RHOG: variants seen among roughly 807,000 people sequenced by gnomAD.
RHOG encodes ras homolog family member G, also known as rho-related GTP-binding protein RhoG.
A neutral mutation model predicts 12.3 loss-of-function variants in RHOG; 1 was observed. The observed-to-expected ratio is 0.08, with a 90% CI of 0.03 to 0.39. RHOG has a LOEUF of 0.39. RHOG is among the 10% of genes least tolerant of loss of function. RHOG has a pLI of 0.99. For missense variants in RHOG, 114 were observed against 266.2 expected (o/e 0.43, Z 3.98); for synonymous variants, 129 against 116.0 (o/e 1.11, Z -0.72).
At position 3,827,172 on chromosome 11, in the gene RHOG, A is replaced by G; in HGVS notation, c.*391T>C. On this transcript the variant is annotated 3_prime_UTR_variant, in exon 2 of 2. Transcript: ENST00000351018. The surrounding 1 kb of genome is among the most constrained non-coding windows in gnomAD (Gnocchi z 7.3). The stretch of plus-strand genomic sequence containing the variant: ...ATCTTGGGGGCGCAATTCCAAGAGC[A>G]GCGAGGGCAGAGGTTAGAGATGGCT... 4.7e-6 allele frequency: 1 copy of G among 214,578 alleles called. No homozygotes were observed. Among genetic ancestry groups the G allele is most frequent in the Non-Finnish European group, 9.4e-6 (1 of 105,942 alleles). 13.3% of individuals were successfully genotyped at this position (214,578 alleles called of 1,614,324 possible).
At chr11:3,831,468 G>A (rs2090128608) in intron 1 of RHOG, among the ~76,000 whole-genome samples, 2 of 152,156 alleles carry the variant, frequency 1.3e-5, no homozygotes, top group African/African-American at 2.4e-5. Context: ...AGGACATTCA[G>A]ATAGAGACCC....
intron 1 of RHOG, among the ~76,000 whole-genome samples, chr11:3,830,991 A>G (rs2090124429): frequency 6.6e-6 from 1 of 152,036 alleles, no homozygotes; most frequent in African/African-American, 2.4e-5. Flanking sequence ...TGTCTCCCAC[A>G]ACCAGGGCCT....
intron 1 of RHOG, among the ~76,000 whole-genome samples, chr11:3,835,179 T>C (rs1383740920): frequency 6.6e-6 from 1 of 152,184 alleles, no homozygotes; most frequent in African/African-American, 2.4e-5. Flanking sequence ...GACTGGACCT[T>C]GCTGAGCACC....
rs201859992 is a variant in RHOG, at chr11:3,827,629, G to A, written c.510C>T (p.Ala170=). 4.3e-4 allele frequency: 693 copies of A among 1,613,292 alleles called. 5 individuals are homozygous for A. The highest frequency in any genetic ancestry group is 1.4e-3 in the South Asian group (131 of 91,090). The change falls in exon 2 of 2, where the codon GCC becomes GCT. Residue 170 remains alanine (A), a synonymous_variant. Transcript: ENST00000351018. This position sits in a 1 kb window ranked among gnomAD's most constrained non-coding sequence, Gnocchi z 7.3. ...LQQDGVKEVF[A]EAVRAVLNPT... is the part of the protein sequence containing the mutation. The stretch of plus-strand genomic sequence containing the variant: ...GGTTGAGCACAGCCCGGACAGCCTC[G>A]GCGAACACTTCCTTGACACCATCCT...
chr11:3,834,724 C>G (rs2090147617), intron 1 of RHOG, among the ~76,000 whole-genome samples: 1 of 152,202 alleles, frequency 6.6e-6, no homozygotes, highest in South Asian at 2.1e-4. Flanking sequence ...AGGAAGCAGC[C>G]TGATTGCCAG....
At chr11:3,839,503 C>T (rs2090177896) in intron 1 of RHOG, among the ~76,000 whole-genome samples, 1 of 150,878 alleles carries the variant, frequency 6.6e-6, no homozygotes, top group South Asian at 2.1e-4. Flanking sequence ...CACACACACA[C>T]ACACACACAC....
At chr11:3,828,278 C>T in intron 1 of RHOG, 72 bp from the exon 2 acceptor site, 1 of 726,846 alleles carries the variant, frequency 1.4e-6, no homozygotes, top group Non-Finnish European at 2.2e-6. Context: ...GATGGGGGCA[C>T]ACAAAGGGAA....
intron 1 of RHOG, among the ~76,000 whole-genome samples, chr11:3,829,693 G>A (rs2090114459): frequency 6.6e-6 from 1 of 152,132 alleles, no homozygotes; most frequent in Admixed American, 6.5e-5. Context: ...ATGAGGTAGA[G>A]GCTGAGGCTC....
At position 3,827,674 on chromosome 11, in the gene RHOG, G is replaced by A. The variant is rs755371671; in HGVS notation, c.465C>T (p.Leu155=). The change falls in exon 2 of 2, where the codon CTC becomes CTT. Residue 155 remains leucine (L), a synonymous_variant. Coordinates refer to ENST00000351018, the MANE Select transcript of RHOG (RefSeq NM_001665.4). This position sits in a 1 kb window ranked among gnomAD's most constrained non-coding sequence, Gnocchi z 7.3. ...CATCCTGTTGCAGGGCTGAGCATTC[G>A]AGGTAGCGCACAGCGTGGATCTGCT... is the stretch of plus-strand genomic sequence containing the variant. ...LAKQIHAVRY[L]ECSALQQDGV... 6.9e-5 allele frequency: 112 copies of A among 1,613,916 alleles called. No homozygotes were observed. In the Admixed American group the frequency reaches 7.0e-4, roughly 10 times the overall value.
chr11:3,827,523 G>C lies in RHOG; in HGVS notation c.*40C>G, dbSNP rs192991095. 1,323 of 1,516,570 alleles carry C rather than the reference G, an allele frequency of 8.7e-4. 3 individuals carry two copies. Among genetic ancestry groups the C allele is most frequent in the Non-Finnish European group, 1.1e-3 (1,237 of 1,110,010 alleles). The allele number at this position is 1,516,570 out of a possible 1,614,324, so 93.9% of individuals were successfully genotyped here. A position where few individuals can be genotyped will look rare whatever the true frequency, so the allele number is the denominator to read the frequency against. Reference sequence around the variant, plus strand: ...GACAAGGCACCAAGGCACAACTGGTGGGGGGAGGGCAGGGGCAGCCTCCAA... The same window carrying C: ...GACAAGGCACCAAGGCACAACTGGTCGGGGGAGGGCAGGGGCAGCCTCCAA... On this transcript the variant is annotated 3_prime_UTR_variant, in exon 2 of 2. Transcript: ENST00000351018. The surrounding 1 kb of genome is among the most constrained non-coding windows in gnomAD (Gnocchi z 7.3).
chr11:3,836,714 C>T (rs548438210), intron 1 of RHOG, among the ~76,000 whole-genome samples: 6 of 151,842 alleles, frequency 4.0e-5, no homozygotes, highest in Admixed American at 3.9e-4. Context: ...GCCTGGCCAG[C>T]ATGGTGAAAC....
chr11:3,828,542 T>G (rs1201252634), intron 1 of RHOG, among the ~76,000 whole-genome samples: 1 of 151,960 alleles, frequency 6.6e-6, no homozygotes, highest in African/African-American at 2.4e-5. Context: ...TAAAATAATA[T>G]CTACCTCACT....
chr11:3,828,716 T>C (rs145063329), intron 1 of RHOG, among the ~76,000 whole-genome samples: 3,793 of 149,800 alleles, frequency 0.025, 184 homozygotes, highest in Admixed American at 0.11. Context: ...CTCCGCCTCC[T>C]GGGTTCACGC....
At chr11:3,828,431 A>G (rs1458213952) in intron 1 of RHOG, among the ~76,000 whole-genome samples, 1 of 152,122 alleles carries the variant, frequency 6.6e-6, no homozygotes, top group Admixed American at 6.6e-5. Flanking sequence ...GCGCCAGACA[A>G]ACTAAGGTCA....
rs996353231 is a variant in RHOG, at chr11:3,829,669, G to A, written c.-68-1463C>T. ...ACCTGGGATTTGGACTGGGGTCTGG[G>A]TATGTTATGATGAATGAGGTAGAGG... On this transcript the variant is annotated intron_variant, in intron 1 of 1. Transcript: ENST00000351018. Among the ~76,000 whole-genome samples the A allele has an allele frequency of 7.2e-5, 11 of 152,308 alleles. No homozygotes were observed. The East Asian group carries it at 1.9e-3, about 27-fold the overall frequency.
At chr11:3,834,862 C>T (rs1228235839) in intron 1 of RHOG, among the ~76,000 whole-genome samples, 1 of 152,178 alleles carries the variant, frequency 6.6e-6, no homozygotes, top group East Asian at 1.9e-4. Flanking sequence ...AACCTGCCTC[C>T]CTAACATGGG....
chr11:3,828,050 T>C lies in RHOG; in HGVS notation c.89A>G (p.Lys30Arg). Residue 30 changes from lysine to arginine, a missense_variant, in exon 2 of 2, where the codon AAA (lysine) becomes AGA (arginine). This residue lies in a region of RHOG where 53 missense variants were observed against 164.8 expected (regional missense o/e 0.32). Transcript: ENST00000351018. ...GTCGAACACGGTGGGGATGTACTCT[T>C]TGGGGAAAGCGTTAGTTGTGTAGCA... ...LICYTTNAFP[K>R]EYIPTVFDNY... 6.2e-7 allele frequency: 1 copy of C among 1,614,242 alleles called. No individual in the cohort carries two copies. Among genetic ancestry groups the C allele is most frequent in the Non-Finnish European group, 8.5e-7 (1 of 1,180,036 alleles).
chr11:3,827,564 C>T lies in RHOG; in HGVS notation c.575G>A (p.Ter192=), dbSNP rs1401239615. The change falls in exon 2 of 2, where the codon TGA becomes TAA. Residue 192 remains the stop codon, a stop_retained_variant. Transcript: ENST00000351018. This position sits in a 1 kb window ranked among gnomAD's most constrained non-coding sequence, Gnocchi z 7.3. Reference sequence around the variant, plus strand: ...CAGCCTCCAAGCCAAGTGCCAGGGTCACAAGAGGATGCAGGACCGCCCACG... The same window carrying T: ...CAGCCTCCAAGCCAAGTGCCAGGGTTACAAGAGGATGCAGGACCGCCCACG... ...IKRGRSCILL[*] The T allele has an allele frequency of 1.2e-6, 2 of 1,601,198 alleles. No individual in the cohort carries two copies. Among genetic ancestry groups the T allele is most frequent in the Non-Finnish European group, 1.7e-6 (2 of 1,177,316 alleles).
chr11:3,837,038 T>C (rs576284812), intron 1 of RHOG, among the ~76,000 whole-genome samples: 2 of 147,752 alleles, frequency 1.4e-5, no homozygotes, highest in South Asian at 4.5e-4. Context: ...CCTCCCCGCC[T>C]AGCAGCAGCT....
Sources: allele counts gnomAD v4.1 joint callset (sites outside exome capture counted in the v4.1 genomes callset), GRCh38; gene constraint gnomAD v4.1.1; regional missense constraint gnomAD v4.1.1; non-coding constraint Gnocchi (gnomAD v3.1); transcripts MANE v1.5; gene names NCBI Gene and HGNC (gene_info 2026-07-23, HGNC 2026-07-21).